The following ZNF654 variants were observed in gnomAD, a reference collection of about 807,000 sequenced individuals.
ZNF654 encodes the protein zinc finger protein 654, also known as melanoma-associated antigen.
A neutral mutation model predicts 95.3 loss-of-function variants in ZNF654; 19 were observed. That is an observed-to-expected ratio of 0.20 (90% CI 0.14 to 0.29). The LOEUF (loss-of-function observed/expected upper bound fraction) is 0.29. ZNF654 is among the 10% of genes least tolerant of loss of function. ZNF654 has a pLI of 1.00. For missense variants in ZNF654, 1,046 were observed against 1,341.0 expected, an observed-to-expected ratio of 0.78 and a Z score of 3.44; for synonymous variants, 413 against 457.9, an observed-to-expected ratio of 0.90 and a Z score of 1.25.
At chr3:88,136,541 A>G (rs1706793891) in intron 7 of ZNF654, among the ~76,000 whole-genome samples, 1 of 152,188 alleles carries the variant, frequency 6.6e-6, no homozygotes, top group Non-Finnish European at 1.5e-5. Flanking sequence ...TTTCAATGAC[A>G]TGAGGGTAGT....
intron 1 of ZNF654, among the ~76,000 whole-genome samples, chr3:88,066,294 C>T (rs538404470): frequency 1.3e-5 from 2 of 152,278 alleles, no homozygotes; most frequent in Non-Finnish European, 2.9e-5. Context: ...CTATCCGTGC[C>T]AGGGTGTGGT....
intron 1 of ZNF654, among the ~76,000 whole-genome samples, chr3:88,072,199 TCTAA>T (rs1415255462): frequency 6.6e-6 from 1 of 152,194 alleles, no homozygotes; most frequent in Non-Finnish European, 1.5e-5. Flanking sequence ...AAAAGGCATA[TCTAA>T]CTATTATTTC....
intron 2 of ZNF654, among the ~76,000 whole-genome samples, chr3:88,090,579 T>TA (rs1559703032): frequency 2.6e-5 from 4 of 152,318 alleles, no homozygotes; most frequent in African/African-American, 9.6e-5. Flanking sequence ...AAAAAATTTT[T>TA]ATAAGTGCGG....
At chr3:88,133,798 A>C (rs1706605540) in intron 6 of ZNF654, among the ~76,000 whole-genome samples, 1 of 152,154 alleles carries the variant, frequency 6.6e-6, no homozygotes, top group Non-Finnish European at 1.5e-5. Context: ...GTGTAAAATT[A>C]AAGGGCCTAA....
chr3:88,125,631 A>G (rs1326806046), intron 3 of ZNF654, among the ~76,000 whole-genome samples: 1 of 152,182 alleles, frequency 6.6e-6, no homozygotes, highest in Non-Finnish European at 1.5e-5. Context: ...TCCATCTTCC[A>G]GCCTTCTACC....
intron 5 of ZNF654, 117 bp from the exon 6 acceptor site, chr3:88,129,570 C>A: frequency 1.3e-6 from 1 of 797,216 alleles, no homozygotes; most frequent in Non-Finnish European, 1.9e-6. Context: ...TCATCATTGT[C>A]TTTGTAGAAG....
At chr3:88,096,460 C>T (rs1015889904) in intron 2 of ZNF654, among the ~76,000 whole-genome samples, 1 of 152,102 alleles carries the variant, frequency 6.6e-6, no homozygotes, top group Non-Finnish European at 1.5e-5. Flanking sequence ...CTCCTTCCTC[C>T]TGACTTCTGA....
At chr3:88,096,089 G>C (rs998636213) in intron 2 of ZNF654, 1 of 160,494 alleles carries the variant, frequency 6.2e-6, no homozygotes, top group African/African-American at 2.4e-5. Context: ...TTGGCAGACT[G>C]ACCTTCATTT....
intron 2 of ZNF654, among the ~76,000 whole-genome samples, chr3:88,087,839 A>T (rs1401571341): frequency 6.6e-6 from 1 of 152,190 alleles, no homozygotes. Context: ...GGGTGGGGAA[A>T]CAGCATTAGA....
intron 1 of ZNF654, among the ~76,000 whole-genome samples, chr3:88,069,926 T>C (rs975392182): frequency 5.3e-5 from 8 of 152,260 alleles, no homozygotes; most frequent in African/African-American, 1.9e-4. Context: ...TAACCTTGAA[T>C]ATCTGGAAAT....
At chr3:88,112,475 G>T (rs1705151614) in intron 2 of ZNF654, among the ~76,000 whole-genome samples, 1 of 151,528 alleles carries the variant, frequency 6.6e-6, no homozygotes, top group African/African-American at 2.4e-5. Context: ...ATTATTAAGA[G>T]CACATAAAGT....
chr3:88,059,617 A>G (rs556857667), intron 1 of ZNF654, 112 bp downstream of exon 1: 5 of 1,118,324 alleles, frequency 4.5e-6, no homozygotes, highest in African/African-American at 1.7e-5. Flanking sequence ...CTCCTCCCCA[A>G]CAAGGAGGGT....
At chr3:88,113,067 G>T in intron 2 of ZNF654, 48 bp from the exon 3 acceptor site, 2 of 1,274,722 alleles carry the variant, frequency 1.6e-6, no homozygotes, top group South Asian at 1.3e-5. Flanking sequence ...CTTTTAATTG[G>T]AGCAAAACTC....
At chr3:88,075,647 G>A (rs1707757892) in intron 1 of ZNF654, among the ~76,000 whole-genome samples, 1 of 151,968 alleles carries the variant, frequency 6.6e-6, no homozygotes, top group Non-Finnish European at 1.5e-5. Flanking sequence ...ATTCCTTTTT[G>A]TCACATTTCT....
intron 3 of ZNF654, among the ~76,000 whole-genome samples, chr3:88,114,244 A>C (rs968681142): frequency 9.2e-5 from 14 of 152,176 alleles, no homozygotes; most frequent in Non-Finnish European, 1.8e-4. Flanking sequence ...TAGTGCTGGC[A>C]TGGTGATATT....
chr3:88,129,321 T>TAAAAA (rs11370327), intron 5 of ZNF654, among the ~76,000 whole-genome samples: 3 of 76,946 alleles, frequency 3.9e-5, no homozygotes, highest in African/African-American at 1.1e-4. Flanking sequence ...TTGCCAGGAG[T>TAAAAA]AAAAAAAAAA....
chr3:88,072,476 C>G (rs374324353), intron 1 of ZNF654, among the ~76,000 whole-genome samples: 20 of 152,310 alleles, frequency 1.3e-4, no homozygotes, highest in African/African-American at 4.6e-4. Flanking sequence ...TATACACTCA[C>G]CAACACTAGT....
chr3:88,139,497 G>A lies in ZNF654; in HGVS notation c.1828G>A (p.Asp610Asn), dbSNP rs1295360858. Residue 610 changes from aspartate to asparagine, a missense_variant, in exon 8 of 9, where the codon GAT becomes AAT. This residue lies in a region of ZNF654 where 495 missense variants were observed against 537.0 expected (regional missense o/e 0.92). Transcript: ENST00000636215. ...GCAAATTGCTGCAGCTCAACAGGAT[G>A]ATCAGGAAGTCACTGCTTTGGAAGA... ...RQQIAAAQQDDQEVTALEEIN... is the reference protein window; with the variant it reads ...RQQIAAAQQDNQEVTALEEIN... The A allele has an allele frequency of 2.9e-5, 46 of 1,613,582 alleles. No individual in the cohort carries two copies. The Middle Eastern group carries it at 2.5e-3, about 87-fold the overall frequency.
chr3:88,087,564 G>A (rs1329888479), intron 2 of ZNF654, among the ~76,000 whole-genome samples: 2 of 152,160 alleles, frequency 1.3e-5, no homozygotes, highest in East Asian at 3.9e-4. Context: ...CAGTTTTCTG[G>A]GGGACAGAAA....
Sources: gnomAD v4.1 joint callset for allele counts (sites outside exome capture counted in the v4.1 genomes callset) on GRCh38, gnomAD v4.1.1 for gene constraint, gnomAD v4.1.1 regional missense constraint, MANE v1.5 for transcripts, NCBI Gene and HGNC (gene_info 2026-07-23, HGNC 2026-07-21) for gene names.